Variants in TNK2 observed in about 807,000 individuals in gnomAD.
The protein encoded by TNK2 is activated CDC42 kinase 1.
TNK2 carries 83 observed loss-of-function variants against 101.8 expected under a neutral mutation model. The observed-to-expected ratio is 0.82, with a 90% CI of 0.68 to 0.98. TNK2 has a LOEUF of 0.98. Among genes scored for constraint, TNK2 ranks in the 50% least tolerant of loss-of-function variants. TNK2 has a pLI of 0.00. For missense variants in TNK2, 1,665 were observed against 1,483.2 expected, an observed-to-expected ratio of 1.12 and a Z score of -2.01; for synonymous variants, 804 against 633.0, an observed-to-expected ratio of 1.27 and a Z score of -4.06.
intron 1 of TNK2, among the ~76,000 whole-genome samples, chr3:195,890,314 G>C (rs2149710122): frequency 6.6e-6 from 1 of 152,300 alleles, no homozygotes; most frequent in South Asian, 2.1e-4. Flanking sequence ...AAGAGCGTGA[G>C]CTAGCCTGCA....
intron 1 of TNK2, among the ~76,000 whole-genome samples, chr3:195,896,529 A>C (rs752403377): frequency 2.9e-4 from 44 of 152,184 alleles, no homozygotes; most frequent in Non-Finnish European, 5.4e-4. Flanking sequence ...ACTGCAGCTA[A>C]AGGCACATAC....
chr3:195,887,188 C>T (rs1223930229), intron 2 of TNK2, 141 bp from the exon 3 acceptor site: 6 of 797,842 alleles, frequency 7.5e-6, no homozygotes, highest in Admixed American at 4.8e-5. Flanking sequence ...CCAACTAACC[C>T]GGAGCCTCAA....
rs1261032967 is a variant in TNK2 at position 195,882,017 on chromosome 3, G to A, written c.887+34C>T. On this transcript the variant is annotated intron_variant, in intron 6 of 15. Coordinates refer to ENST00000672887, the MANE Select transcript of TNK2 (RefSeq NM_001382273.1). This position sits in a 1 kb window ranked among gnomAD's most constrained non-coding sequence, Gnocchi z 4.2. Reference sequence around the variant, plus strand: ...AGAAGCTTTGAGGCCTGGGTCTGCAGGGACTCTGTGAGCTGGCAGCACCTG... The same window carrying A: ...AGAAGCTTTGAGGCCTGGGTCTGCAAGGACTCTGTGAGCTGGCAGCACCTG... 1.9e-6 allele frequency: 3 copies of A among 1,589,336 alleles called. No individual in the cohort carries two copies. Among genetic ancestry groups the A allele is most frequent in the Non-Finnish European group, 1.7e-6 (2 of 1,165,416 alleles).
At position 195,883,310 on chromosome 3, in the gene TNK2, C is replaced by T; in HGVS notation, c.457-1G>A. ...TCAGGCACTTCACAGCCACACTCACCTGCCCAGAGCGGGATTTGCAAGGAC... is the reference window on the plus strand; with the variant it reads ...TCAGGCACTTCACAGCCACACTCACTTGCCCAGAGCGGGATTTGCAAGGAC... On this transcript the variant is annotated splice_acceptor_variant, in intron 4 of 15. Coordinates refer to ENST00000672887, the MANE Select transcript of TNK2 (RefSeq NM_001382273.1). LOFTEE classifies it high-confidence loss of function. 1 of 1,612,988 alleles carries T rather than the reference C, an allele frequency of 6.2e-7. No homozygotes were observed. Among genetic ancestry groups the T allele is most frequent in the Non-Finnish European group, 8.5e-7 (1 of 1,180,010 alleles).
rs757450890 is a variant in TNK2 at position 195,886,960 on chromosome 3, C to T, written c.234+17G>A. ...AGGCTGCCCCCCTCCCACCTCCTCA[C>T]CCACCTCCTCACCCACCTTACTCAT... is the stretch of plus-strand genomic sequence containing the variant. On this transcript the variant is annotated intron_variant, in intron 3 of 15. Transcript: ENST00000672887. This position sits in a 1 kb window ranked among gnomAD's most constrained non-coding sequence, Gnocchi z 4.2. 9 of 1,611,616 alleles carry T rather than the reference C, an allele frequency of 5.6e-6. No individual in the cohort carries two copies. In the Admixed American group the frequency reaches 1.3e-4, roughly 24 times the overall value.
At chr3:195,901,571 CCTTA>C (rs1761212122) in intron 1 of TNK2, among the ~76,000 whole-genome samples, 1 of 152,146 alleles carries the variant, frequency 6.6e-6, no homozygotes, top group Non-Finnish European at 1.5e-5. Context: ...CTCTCACCTT[CCTTA>C]GACACCCACC....
Position 195,870,974 on chromosome 3 carries a change from G to A in TNK2, c.1452-769C>T, listed in dbSNP as rs368853251. Among the ~76,000 whole-genome samples, 117 of 54,228 alleles carry A rather than the reference G, an allele frequency of 2.2e-3. 1 individual carries two copies. The highest frequency in any genetic ancestry group is 4.8e-3 in the African/African-American group (104 of 21,874). 35.6% of individuals were successfully genotyped at this position (54,228 alleles called of 152,430 possible). ...CTGGTGTGGGGGGACTCGCTGTGTG[G>A]GGTTCTGGTGTGTGGGGGCCCGCTG... On this transcript the variant is annotated intron_variant, in intron 10 of 15. Transcript: ENST00000672887.
intron 2 of TNK2, among the ~76,000 whole-genome samples, chr3:195,887,834 AC>A: frequency 8.2e-6 from 1 of 121,214 alleles, no homozygotes; most frequent in East Asian, 2.5e-4. Flanking sequence ...GTGCGCACAC[AC>A]GTGTGTGTGT....
chr3:195,886,924 G>A lies in TNK2; in HGVS notation c.234+53C>T. The stretch of plus-strand genomic sequence containing the variant: ...AAGGTTCCCAGGACCAGAAGCGGAG[G>A]GGGGCGTTCGAGGCTGCCCCCCTCC... On this transcript the variant is annotated intron_variant, in intron 3 of 15. Coordinates refer to ENST00000672887, the MANE Select transcript of TNK2 (RefSeq NM_001382273.1). The surrounding 1 kb of genome is among the most constrained non-coding windows in gnomAD (Gnocchi z 4.2). 1.9e-6 allele frequency: 3 copies of A among 1,592,312 alleles called. No homozygotes were observed. The highest frequency in any genetic ancestry group is 1.1e-5 in the South Asian group (1 of 90,628).
At chr3:195,903,109 C>T (rs112897657) in intron 1 of TNK2, among the ~76,000 whole-genome samples, 21,335 of 148,508 alleles carry the variant, frequency 0.14, 1,625 homozygotes, top group Non-Finnish European at 0.18. Flanking sequence ...GGCGCCATCT[C>T]GGCTTACTGC....
chr3:195,868,145 G>A lies in TNK2; in HGVS notation c.2153C>T (p.Thr718Ile), dbSNP rs756264290. 8.1e-6 allele frequency: 13 copies of A among 1,611,444 alleles called. No homozygotes were observed. The highest frequency in any genetic ancestry group is 3.3e-5 in the Admixed American group (2 of 59,854). The part of the protein sequence containing the change: ...GGGKPPSSAQ[T>I]AEIFQALQQE... ...CTGTAGCGCCTGGAAGATCTCTGCG[G>A]TCTGTGCGGAGCTGGGCGGCTTGCC... The change falls in exon 13 of 16, where the codon ACC becomes ATC. Residue 718 changes from threonine (T) to isoleucine (I), a missense_variant. Coordinates refer to ENST00000672887, the MANE Select transcript of TNK2 (RefSeq NM_001382273.1).
At chr3:195,898,721 G>A (rs949857954) in intron 1 of TNK2, among the ~76,000 whole-genome samples, 1 of 152,138 alleles carries the variant, frequency 6.6e-6, no homozygotes, top group African/African-American at 2.4e-5. Context: ...GAACTCCTGG[G>A]CTCAAGTGAC....
chr3:195,878,534 T>C lies in TNK2; in HGVS notation c.1073A>G (p.Gln358Arg). The C allele has an allele frequency of 6.2e-7, 1 of 1,613,792 alleles. No individual in the cohort carries two copies. ...CTGGACCATGACGTTGTAGATGTCC[T>C]GGGGACAGTCCTCGGGCCGGGGCAG... ...ERLPRPEDCP[Q>R]DIYNVMVQCW... is the part of the protein sequence containing the mutation. The change falls in exon 8 of 16, where the codon CAG becomes CGG. Residue 358 changes from glutamine (Q) to arginine (R), a missense_variant. Coordinates refer to ENST00000672887, the MANE Select transcript of TNK2 (RefSeq NM_001382273.1). The surrounding 1 kb of genome is among the most constrained non-coding windows in gnomAD (Gnocchi z 4.7).
At chr3:195,895,399 G>A (rs760272195) in intron 1 of TNK2, 4 of 1,536,208 alleles carry the variant, frequency 2.6e-6, no homozygotes, top group Non-Finnish European at 3.5e-6. Context: ...GCGTCCTGGG[G>A]GGCCGGGCCT....
chr3:195,894,230 G>A (rs1057017711), intron 1 of TNK2: 2 of 152,158 alleles, frequency 1.3e-5, no homozygotes, highest in Non-Finnish European at 2.9e-5. Context: ...TTTCAAAATG[G>A]GTCTGCTGGA....
At chr3:195,870,283 T>A (rs1030407974) in intron 10 of TNK2, 78 bp from the exon 11 acceptor site, 2 of 1,581,970 alleles carry the variant, frequency 1.3e-6, no homozygotes, top group African/African-American at 2.7e-5. Context: ...AGCCCCTTCG[T>A]CCTGGAGGAA....
At chr3:195,900,699 C>T (rs115540288) in intron 1 of TNK2, among the ~76,000 whole-genome samples, 9,842 of 152,278 alleles carry the variant, frequency 0.065, 444 homozygotes, top group Non-Finnish European at 0.093. Flanking sequence ...GCCCAGGTGC[C>T]GAGGCCAGGA....
chr3:195,867,947 C>G lies in TNK2; in HGVS notation c.2351G>C (p.Trp784Ser). The part of the protein sequence containing the change: ...APPGEEETSQ[W>S]PGPASPPRVP... ...CCGGGGAGGGGAAGCAGGTCCAGGCCACTGGCTGGTCTCCTCCTCGCCCGG... is the reference window on the plus strand; with the variant it reads ...CCGGGGAGGGGAAGCAGGTCCAGGCGACTGGCTGGTCTCCTCCTCGCCCGG... Residue 784 changes from tryptophan (W) to serine (S), a missense_variant, in exon 13 of 16, where the codon TGG becomes TCG. Trp to Ser is a radical substitution (Grantham distance 177). This residue lies in a region of TNK2 where 1,136 missense variants were observed against 894.9 expected (regional missense o/e 1.27). Coordinates refer to ENST00000672887, the MANE Select transcript of TNK2 (RefSeq NM_001382273.1). 1 of 1,543,780 alleles carries G rather than the reference C, an allele frequency of 6.5e-7. No individual in the cohort carries two copies. Among genetic ancestry groups the G allele is most frequent in the Non-Finnish European group, 8.6e-7 (1 of 1,157,156 alleles).
At chr3:195,875,487 C>A (rs1295461423) in intron 9 of TNK2, among the ~76,000 whole-genome samples, 1 of 152,160 alleles carries the variant, frequency 6.6e-6, no homozygotes, top group African/African-American at 2.4e-5. Context: ...GGATGGCGCC[C>A]ACGCACACTC....
Sources: gnomAD v4.1 joint callset for allele counts (sites outside exome capture counted in the v4.1 genomes callset) on GRCh38, gnomAD v4.1.1 for gene constraint, gnomAD v4.1.1 regional missense constraint, Gnocchi (gnomAD v3.1) non-coding constraint, MANE v1.5 for transcripts, NCBI Gene and HGNC (gene_info 2026-07-23, HGNC 2026-07-21) for gene names.